The following ANKRD13C variants were observed in gnomAD, a reference collection of about 807,000 sequenced individuals.
ANKRD13C encodes the protein ankyrin repeat domain-containing protein 13C.
A neutral mutation model predicts 65.5 loss-of-function variants in ANKRD13C; 16 were observed. The ratio of observed to expected loss-of-function variants is 0.24; its 90% CI spans 0.17 to 0.37. The LOEUF (loss-of-function observed/expected upper bound fraction) is 0.37, where lower values mean the gene tolerates loss of function less well. ANKRD13C is among the 10% of genes least tolerant of loss of function. ANKRD13C has a pLI of 1.00. For synonymous variants in ANKRD13C, 235 were observed against 238.7 expected (o/e 0.98, Z 0.14); for missense variants, 503 against 655.9 (o/e 0.77, Z 2.55).
chr1:70,324,225 A>G (rs1040653829), intron 3 of ANKRD13C, among the ~76,000 whole-genome samples: 3 of 152,228 alleles, frequency 2.0e-5, no homozygotes, highest in African/African-American at 7.2e-5. Flanking sequence ...CAGCAAGATA[A>G]TATTCCCATT....
chr1:70,309,730 A>T (rs995490471), intron 5 of ANKRD13C, among the ~76,000 whole-genome samples: 62 of 110,416 alleles, frequency 5.6e-4, no homozygotes, highest in Non-Finnish European at 2.1e-4. Flanking sequence ...AAAAAAAAAA[A>T]AAAATAATAA....
intron 3 of ANKRD13C, among the ~76,000 whole-genome samples, chr1:70,316,844 G>T (rs898885002): frequency 1.3e-5 from 2 of 151,956 alleles, no homozygotes; most frequent in African/African-American, 4.8e-5. Context: ...ATGTGCATCG[G>T]GGAAAATATA....
intron 7 of ANKRD13C, among the ~76,000 whole-genome samples, chr1:70,297,287 AT>A (rs748635051): frequency 0.014 from 1,367 of 98,794 alleles, 8 homozygotes; most frequent in African/African-American, 0.041. Flanking sequence ...TCCCTTTCTG[AT>A]TTTTTTTTTT....
At chr1:70,334,195 T>C (rs1343837458) in intron 2 of ANKRD13C, among the ~76,000 whole-genome samples, 1 of 152,070 alleles carries the variant, frequency 6.6e-6, no homozygotes, top group South Asian at 2.1e-4. Flanking sequence ...TATGGTGGCA[T>C]GTGCATCTAG....
intron 1 of ANKRD13C, among the ~76,000 whole-genome samples, chr1:70,338,657 C>G (rs187135304): frequency 6.6e-6 from 1 of 152,292 alleles, no homozygotes; most frequent in Non-Finnish European, 1.5e-5. Flanking sequence ...GCCTTGGCCT[C>G]CCAAAGTGCT....
chr1:70,343,506 G>C (rs747259280), intron 1 of ANKRD13C, among the ~76,000 whole-genome samples: 2 of 152,042 alleles, frequency 1.3e-5, no homozygotes, highest in Non-Finnish European at 2.9e-5. Flanking sequence ...TTGTTTTGTC[G>C]AACAAGTGAA....
In ANKRD13C at chr1:70,354,216, C is replaced by T. The variant is rs749116611; in HGVS notation, c.193G>A (p.Ala65Thr). 1.2e-6 allele frequency: 2 copies of T among 1,613,558 alleles called. No individual in the cohort carries two copies. Among genetic ancestry groups the T allele is most frequent in the African/African-American group, 2.7e-5 (2 of 74,928 alleles). The change falls in exon 1 of 13, where the codon GCA (alanine) becomes ACA (threonine). Residue 65 changes from alanine (A) to threonine (T), a missense_variant. Coordinates refer to ENST00000370944, the MANE Select transcript of ANKRD13C (RefSeq NM_030816.5). ...SNHHHRLQLK[A>T]APASSNPPGA... ...GGGGGATTGGAGGAGGCCGGAGCTG[C>T]CTTCAGCTGTAGCCGGTGGTGATGG...
Position 70,297,982 on chromosome 1 carries a change from C to T in ANKRD13C, c.922-1721G>A, listed in dbSNP as rs142670796. ...CAATGGCTTGGGCCTGGGACAGTAC[C>T]ATTTCCTCTACCCCTACAAGTAAAG... On this transcript the variant is annotated intron_variant, in intron 7 of 12. Coordinates refer to ENST00000370944, the MANE Select transcript of ANKRD13C (RefSeq NM_030816.5). 2.9e-3 allele frequency among the ~76,000 whole-genome samples: 440 copies of T among 151,322 alleles called. 5 individuals carry two copies. Among genetic ancestry groups the T allele is most frequent in the African/African-American group, 0.01 (429 of 41,264 alleles).
intron 5 of ANKRD13C, among the ~76,000 whole-genome samples, chr1:70,308,605 G>T (rs1010239961): frequency 2.0e-5 from 3 of 151,810 alleles, no homozygotes; most frequent in Non-Finnish European, 4.4e-5. Context: ...CAGGTGTGGT[G>T]GCGGGCGCCT....
intron 2 of ANKRD13C, among the ~76,000 whole-genome samples, chr1:70,330,304 T>A (rs1681727674): frequency 1.3e-5 from 2 of 151,998 alleles, no homozygotes. Flanking sequence ...ATGCCTACAA[T>A]CCCAGCAGTT....
intron 2 of ANKRD13C, among the ~76,000 whole-genome samples, chr1:70,329,897 C>T (rs1681708258): frequency 6.6e-6 from 1 of 151,910 alleles, no homozygotes; most frequent in Non-Finnish European, 1.5e-5. Flanking sequence ...TTGAGACCAG[C>T]CTGACCAACA....
intron 6 of ANKRD13C, among the ~76,000 whole-genome samples, chr1:70,301,491 C>T (rs1481636077): frequency 1.3e-5 from 2 of 152,196 alleles, no homozygotes; most frequent in African/African-American, 4.8e-5. Context: ...ACACCCGTAA[C>T]CTTATGCCTA....
intron 3 of ANKRD13C, among the ~76,000 whole-genome samples, chr1:70,323,719 T>C (rs1447097996): frequency 6.6e-6 from 1 of 151,604 alleles, no homozygotes; most frequent in Non-Finnish European, 1.5e-5. Context: ...AATATACAGC[T>C]AAATAATTTT....
At chr1:70,292,841 G>GC (rs1679918241) in intron 8 of ANKRD13C, among the ~76,000 whole-genome samples, 1 of 152,278 alleles carries the variant, frequency 6.6e-6, no homozygotes, top group Non-Finnish European at 1.5e-5. Flanking sequence ...TTGCCACATA[G>GC]CATTTCTTCA....
intron 8 of ANKRD13C, among the ~76,000 whole-genome samples, chr1:70,295,118 A>G (rs1427214450): frequency 6.6e-6 from 1 of 152,080 alleles, no homozygotes; most frequent in African/African-American, 2.4e-5. Context: ...ATTGTGTATA[A>G]TAAAAATAAA....
At chr1:70,328,119 T>A (rs1247392020) in intron 2 of ANKRD13C, among the ~76,000 whole-genome samples, 4 of 151,916 alleles carry the variant, frequency 2.6e-5, no homozygotes, top group African/African-American at 9.7e-5. Flanking sequence ...AGATAAAATA[T>A]GAAACAATGT....
intron 7 of ANKRD13C, among the ~76,000 whole-genome samples, chr1:70,298,459 T>C (rs1345055508): frequency 2.0e-5 from 3 of 152,108 alleles, no homozygotes; most frequent in Non-Finnish European, 2.9e-5. Flanking sequence ...TCCTGTATTG[T>C]AGGCATTATA....
intron 9 of ANKRD13C, among the ~76,000 whole-genome samples, chr1:70,291,036 A>T (rs997479378): frequency 2.7e-5 from 4 of 147,422 alleles, no homozygotes; most frequent in Admixed American, 2.0e-4. Context: ...CATCTGGGAA[A>T]TTTTTTTTTT....
chr1:70,353,371 ATC>A (rs1682836101), intron 1 of ANKRD13C, among the ~76,000 whole-genome samples: 1 of 152,212 alleles, frequency 6.6e-6, no homozygotes, highest in South Asian at 2.1e-4. Flanking sequence ...AAAAAATCAA[ATC>A]TCTACTCAAA....
Sources: gnomAD v4.1 joint callset for allele counts (sites outside exome capture counted in the v4.1 genomes callset) on GRCh38, gnomAD v4.1.1 for gene constraint, MANE v1.5 for transcripts, NCBI Gene and HGNC (gene_info 2026-07-23, HGNC 2026-07-21) for gene names.